PPP2R2C: variants seen among roughly 807,000 people sequenced by gnomAD.
PPP2R2C encodes protein phosphatase 2, regulatory subunit B, gamma.
Under a neutral mutation model 45.3 loss-of-function variants are expected in PPP2R2C, and 10 were observed. The observed-to-expected ratio is 0.22, with a 90% CI of 0.14 to 0.37. The LOEUF is 0.37. PPP2R2C is among the 10% of genes least tolerant of loss of function. The pLI is 1.00. For missense variants in PPP2R2C, 308 were observed against 619.7 expected (o/e 0.50, Z 5.34); for synonymous variants, 257 against 245.4 (o/e 1.05, Z -0.44).
upstream of PPP2R2C, among the ~76,000 whole-genome samples, chr4:6,474,225 C>G (rs1722055575): frequency 6.6e-6 from 1 of 151,648 alleles, no homozygotes; most frequent in South Asian, 2.1e-4. Context: ...AGGCCAGCCC[C>G]CCACTCTCTG....
At chr4:6,355,123 G>C (rs11731119) in intron 5 of PPP2R2C, among the ~76,000 whole-genome samples, 83,600 of 152,144 alleles carry the variant, frequency 0.55, 26,102 homozygotes, top group East Asian at 0.73. Flanking sequence ...TGTCCCCAGC[G>C]AGGGCAGGGA....
chr4:6,419,316 C>T (rs1718810992), intron 1 of PPP2R2C, among the ~76,000 whole-genome samples: 1 of 152,052 alleles, frequency 6.6e-6, no homozygotes, highest in Non-Finnish European at 1.5e-5. Flanking sequence ...ATCCCAGCTA[C>T]TCGGGAGGCT....
chr4:6,443,098 C>G (rs920015646), intron 1 of PPP2R2C, among the ~76,000 whole-genome samples: 6 of 151,960 alleles, frequency 3.9e-5, no homozygotes, highest in Admixed American at 3.3e-4. Flanking sequence ...CTGGGAGAAC[C>G]AAGCTCTACA....
chr4:6,512,083 ATGGTGGTGG>A (rs1157543779), intron 2 of PPP2R2C, among the ~76,000 whole-genome samples: 7 of 14,086 alleles, frequency 5.0e-4, no homozygotes, highest in African/African-American at 2.5e-3. Context: ...GATGGTGCTG[ATGGTGGTGG>A]TGGTGGTGGT....
At chr4:6,381,872 G>C in intron 1 of PPP2R2C, 2 of 1,610,406 alleles carry the variant, frequency 1.2e-6, no homozygotes, top group Non-Finnish European at 1.7e-6. Flanking sequence ...TTTGCATGTG[G>C]GAACTAGGGG....
intron 5 of PPP2R2C, chr4:6,348,677 C>T: frequency 1.0e-6 from 1 of 985,374 alleles, no homozygotes; most frequent in Non-Finnish European, 1.2e-6. Context: ...GCTTGGTCAC[C>T]CCTGCTGTGC....
intron 1 of PPP2R2C, among the ~76,000 whole-genome samples, chr4:6,536,278 T>C (rs772534872): frequency 3.9e-5 from 6 of 152,218 alleles, no homozygotes; most frequent in Non-Finnish European, 7.3e-5. Context: ...GAGATGACCC[T>C]GAGTTGAACA....
intron 5 of PPP2R2C, among the ~76,000 whole-genome samples, chr4:6,362,049 G>A (rs1248424066): frequency 1.3e-5 from 2 of 152,002 alleles, no homozygotes; most frequent in Non-Finnish European, 2.9e-5. Context: ...AGGGGGTGAG[G>A]GGGTTGAAGA....
intron 1 of PPP2R2C, among the ~76,000 whole-genome samples, chr4:6,398,564 C>T (rs1263404728): frequency 6.6e-6 from 1 of 152,050 alleles, no homozygotes; most frequent in Non-Finnish European, 1.5e-5. Flanking sequence ...CCAGTGTACA[C>T]CCATCAGAGT....
chr4:6,347,800 C>CCCA, intron 6 of PPP2R2C, 46 bp downstream of exon 6: 3 of 1,253,254 alleles, frequency 2.4e-6, no homozygotes, highest in Non-Finnish European at 2.2e-6. Flanking sequence ...CCCACCCGCC[C>CCCA]GCCTGCCCAA....
chr4:6,464,264 A>C (rs932356067), intron 1 of PPP2R2C, among the ~76,000 whole-genome samples: 1 of 152,214 alleles, frequency 6.6e-6, no homozygotes, highest in Non-Finnish European at 1.5e-5. Context: ...TTTCATCCTA[A>C]AGTCCACTTG....
chr4:6,515,240 C>T (rs934815066), intron 2 of PPP2R2C, among the ~76,000 whole-genome samples: 2 of 152,172 alleles, frequency 1.3e-5, no homozygotes, highest in African/African-American at 2.4e-5. Context: ...CTCTGGCAAA[C>T]TGGGGAAGAG....
At chr4:6,545,477 C>T (rs1461006334) in intron 1 of PPP2R2C, among the ~76,000 whole-genome samples, 4 of 152,162 alleles carry the variant, frequency 2.6e-5, no homozygotes, top group Non-Finnish European at 5.9e-5. Context: ...TAAAGCCAGG[C>T]ATGTTTCTTT....
chr4:6,538,803 C>T (rs542397560), intron 1 of PPP2R2C, among the ~76,000 whole-genome samples: 9 of 152,292 alleles, frequency 5.9e-5, no homozygotes, highest in South Asian at 4.1e-4. Flanking sequence ...TCCCCCGCAC[C>T]GTCATGAAAT....
chr4:6,426,012 A>G (rs1295656826), intron 1 of PPP2R2C, among the ~76,000 whole-genome samples: 1 of 152,016 alleles, frequency 6.6e-6, no homozygotes, highest in Non-Finnish European at 1.5e-5. Context: ...GTTCCTGGGT[A>G]CAGGCCTGCT....
chr4:6,385,368 CTT>C (rs1264501550), intron 1 of PPP2R2C, among the ~76,000 whole-genome samples: 1 of 152,172 alleles, frequency 6.6e-6, no homozygotes, highest in African/African-American at 2.4e-5. Flanking sequence ...AGTTGCCTCT[CTT>C]GAGTGCCAGA....
chr4:6,427,996 A>G (rs1261418195), intron 1 of PPP2R2C, among the ~76,000 whole-genome samples: 1 of 152,224 alleles, frequency 6.6e-6, no homozygotes, highest in Non-Finnish European at 1.5e-5. Context: ...CGAGCTAGAC[A>G]GCAGAACAGC....
chr4:6,335,158 G>T (rs1382396724), intron 6 of PPP2R2C, among the ~76,000 whole-genome samples: 1 of 152,218 alleles, frequency 6.6e-6, no homozygotes, highest in Non-Finnish European at 1.5e-5. Context: ...GCAGTGACCA[G>T]CATAAAGCCA....
chr4:6,534,618 T>A (rs1255344131), intron 2 of PPP2R2C, among the ~76,000 whole-genome samples: 3 of 149,974 alleles, frequency 2.0e-5, no homozygotes, highest in Non-Finnish European at 4.4e-5. Flanking sequence ...CATCAACACA[T>A]ACATGAACAC....
Sources: allele counts gnomAD v4.1 joint callset (sites outside exome capture counted in the v4.1 genomes callset), GRCh38; gene constraint gnomAD v4.1.1; transcripts MANE v1.5; gene names NCBI Gene and HGNC (gene_info 2026-07-23, HGNC 2026-07-21).